Variants in NEB observed in about 807,000 individuals in gnomAD.
NEB encodes nemaline myopathy type 2.
NEB carries 512 observed loss-of-function variants against 952.2 expected under a neutral mutation model. The ratio of observed to expected loss-of-function variants is 0.54; its 90% CI spans 0.50 to 0.58. NEB has a LOEUF of 0.58. Among genes scored for constraint, NEB ranks in the 20% least tolerant of loss-of-function variants. The pLI, the probability that NEB is intolerant of heterozygous loss-of-function variation, is 0.00. For synonymous variants in NEB, 2,900 were observed against 3,149.8 expected (o/e 0.92, Z 2.66); for missense variants, 8,428 against 9,231.1 (o/e 0.91, Z 3.56).
intron 18 of NEB, 82 bp from the exon 19 acceptor site, chr2:151,694,711 C>A: frequency 9.9e-7 from 1 of 1,010,700 alleles, no homozygotes; most frequent in Non-Finnish European, 1.5e-6. Context: ...TAACTAAATA[C>A]CTTATCTTAA....
chr2:151,690,743 G>A lies in NEB; in HGVS notation c.2294C>T (p.Thr765Met), dbSNP rs762693524. The A allele has an allele frequency of 8.2e-6, 13 of 1,592,596 alleles. No individual in the cohort carries two copies. In the Middle Eastern group the frequency reaches 6.6e-4, roughly 81 times the overall value. ...SPVLLQAQLN[T>M]KQLSDLNYKA... is the part of the protein sequence containing the mutation. ...AGCACTTACATCACTAAGCTGTTTC[G>A]TGTTGAGCTGGGCTTGCAACAGTAC... Residue 765 changes from threonine to methionine, a missense_variant, in exon 24 of 182, where the codon ACG becomes ATG. Thr to Met is a moderately conservative substitution (Grantham distance 81). Transcript: ENST00000397345.
At chr2:151,705,684 A>G (rs891994711) in intron 13 of NEB, among the ~76,000 whole-genome samples, 9 of 152,370 alleles carry the variant, frequency 5.9e-5, no homozygotes, top group Non-Finnish European at 8.8e-5. Context: ...GGGCCCATCA[A>G]CCAACGAGAG....
At chr2:151,503,571 A>AG (rs1386461142) in intron 165 of NEB, 130 bp from the exon 166 acceptor site, 4 of 588,284 alleles carry the variant, frequency 6.8e-6, no homozygotes, top group Non-Finnish European at 1.2e-5. Flanking sequence ...TTCAAGGAAC[A>AG]GGGGGGAAAA....
Position 151,656,333 on chromosome 2 carries a change from G to A in NEB, c.6315C>T (p.Asn2105=), listed in dbSNP as rs752114805. 16 of 1,613,514 alleles carry A rather than the reference G, an allele frequency of 9.9e-6. No individual in the cohort carries two copies. The highest frequency in any genetic ancestry group is 3.3e-5 in the Admixed American group (2 of 59,954). The change falls in exon 49 of 182, where the codon AAC becomes AAT. Residue 2105 remains asparagine (N), a synonymous_variant. Transcript: ENST00000397345. ...GGTAGCTGGTCTTTGTGTTCTCATA[G>A]TTTTTCTTGTACTCCCGATCAGATT... ...KMQSDREYKK[N]YENTKTSYHT...
intron 3 of NEB, among the ~76,000 whole-genome samples, chr2:151,730,023 G>A (rs1438042453): frequency 2.6e-5 from 4 of 152,122 alleles, no homozygotes; most frequent in African/African-American, 9.7e-5. Flanking sequence ...GAGTGTGTGG[G>A]TTGGGCAGAG....
At chr2:151,494,958 GT>G in intron 173 of NEB, 1 of 152,802 alleles carries the variant, frequency 6.5e-6, no homozygotes, top group Non-Finnish European at 1.5e-5. Flanking sequence ...CACAGCAGCT[GT>G]TTTTTTACTG....
In NEB at chr2:151,497,915, G is replaced by A. The variant is rs527322850; in HGVS notation, c.24208-197C>T. 40 of 1,470,584 alleles carry A rather than the reference G, an allele frequency of 2.7e-5. No individual in the cohort carries two copies. In the South Asian group the frequency reaches 5.0e-4, roughly 18 times the overall value. 91.1% of individuals were successfully genotyped at this position (1,470,584 alleles called of 1,614,324 possible). On this transcript the variant is annotated intron_variant, in intron 170 of 181. Coordinates refer to ENST00000397345, the MANE Select transcript of NEB (RefSeq NM_001164508.2). ...CTCTAGAGAAGCAGGGACTTCAGCTGCTGAGGAAGGGCTGTCAGAGTTATC... is the reference window on the plus strand; with the variant it reads ...CTCTAGAGAAGCAGGGACTTCAGCTACTGAGGAAGGGCTGTCAGAGTTATC...
Position 151,537,222 on chromosome 2 carries a change from T to G in NEB, c.21117A>C (p.Glu7039Asp), listed in dbSNP as rs2093342399. 1 of 1,608,590 alleles carries G rather than the reference T, an allele frequency of 6.2e-7. No homozygotes were observed. The highest frequency in any genetic ancestry group is 1.3e-5 in the African/African-American group (1 of 74,778). The change falls in exon 141 of 182, where the codon GAA becomes GAC. Residue 7039 changes from glutamate to aspartate, a missense_variant. Transcript: ENST00000397345. ...CAATGCCTTTAAGCCAAGTCAAGTC[T>G]TCTTTATATTTTACCTGGGAGAAGA... ...TDTVSDVKYK[E>D]DLTWLKGIGC...
chr2:151,637,701 G>C (rs1022594423), intron 63 of NEB, among the ~76,000 whole-genome samples: 1 of 152,182 alleles, frequency 6.6e-6, no homozygotes, highest in Non-Finnish European at 1.5e-5. Flanking sequence ...TAGACACAGG[G>C]GGAGCCCTTT....
At position 151,724,360 on chromosome 2, in the gene NEB, A is replaced by G. The variant is rs775818667; in HGVS notation, c.512T>C (p.Leu171Ser). 4 of 1,608,908 alleles carry G rather than the reference A, an allele frequency of 2.5e-6. No individual in the cohort carries two copies. The Admixed American group carries it at 6.7e-5, about 27-fold the overall frequency. Residue 171 changes from leucine (L) to serine (S), a missense_variant, in exon 8 of 182, where the codon TTA (leucine) becomes TCA (serine). Physicochemically the swap from Leu to Ser is moderately radical, Grantham distance 145. This residue lies in a region of NEB where 2,851 missense variants were observed against 2,791.5 expected (regional missense o/e 1.02). Transcript: ENST00000397345. ...GGTGTCTTCCCAGTTCTGCTTGTAT[A>G]AAACCTAGACAGAAGGAGCAGAGGA... is the stretch of plus-strand genomic sequence containing the variant. ...KKVSQQVSKV[L>S]YKQNWEDTKD...
At chr2:151,492,818 C>A (rs1225060578) in intron 176 of NEB, 2 of 201,536 alleles carry the variant, frequency 9.9e-6, no homozygotes, top group Non-Finnish European at 2.0e-5. Context: ...GGCTCTAAAT[C>A]TGACATTGTA....
At chr2:151,642,014 C>A in intron 60 of NEB, among the ~76,000 whole-genome samples, 1 of 152,104 alleles carries the variant, frequency 6.6e-6, no homozygotes, top group East Asian at 1.9e-4. Flanking sequence ...CACCCTGTGT[C>A]CATGTGTTCT....
At chr2:151,678,899 C>T (rs1014288820) in intron 32 of NEB, among the ~76,000 whole-genome samples, 1 of 152,072 alleles carries the variant, frequency 6.6e-6, no homozygotes, top group African/African-American at 2.4e-5. Context: ...ATTTGTTATT[C>T]AATCATCACA....
chr2:151,668,998 G>T (rs760385513), intron 39 of NEB, 29 bp downstream of exon 39: 1 of 1,468,716 alleles, frequency 6.8e-7, no homozygotes. Flanking sequence ...GCCCGCATAC[G>T]CAATATTAGC....
intron 173 of NEB, 66 bp from the exon 174 acceptor site, chr2:151,494,319 A>G: frequency 9.3e-7 from 1 of 1,076,364 alleles, no homozygotes; most frequent in Non-Finnish European, 1.4e-6. Context: ...AAAAAAGGAA[A>G]TGGTACAGAT....
Position 151,497,724 on chromosome 2 carries a change from C to T in NEB, c.24208-6G>A, listed in dbSNP as rs780278162. The T allele has an allele frequency of 7.7e-6, 12 of 1,568,014 alleles. 1 individual carries two copies. Among genetic ancestry groups the T allele is most frequent in the South Asian group, 7.1e-5 (6 of 84,948 alleles). On this transcript the variant is annotated splice_polypyrimidine_tract_variant and splice_region_variant and intron_variant, in intron 170 of 181. Coordinates refer to ENST00000397345, the MANE Select transcript of NEB (RefSeq NM_001164508.2). The stretch of plus-strand genomic sequence containing the variant: ...ATGTTTTCTTTGTATAACACCTGTG[C>T]GATAAGAAAGCATCCAGAAAAACAA...
chr2:151,573,331 G>C (rs190364700), intron 107 of NEB, among the ~76,000 whole-genome samples: 1 of 152,072 alleles, frequency 6.6e-6, no homozygotes, highest in Admixed American at 6.5e-5. Context: ...TAAGGTTCTG[G>C]TGTTTTCAGC....
rs766168868 is a variant in NEB at position 151,666,381 on chromosome 2, G to A, written c.4740C>T (p.Tyr1580=). 1.4e-5 allele frequency: 22 copies of A among 1,613,508 alleles called. No homozygotes were observed. The highest frequency in any genetic ancestry group is 4.0e-5 in the African/African-American group (3 of 74,998). The change falls in exon 41 of 182, where the codon TAC becomes TAT. Residue 1580 remains tyrosine, a synonymous_variant. Coordinates refer to ENST00000397345, the MANE Select transcript of NEB (RefSeq NM_001164508.2). Reference sequence around the variant, plus strand: ...CAACTTGCTTGCCTTTGGCTTTCTCGTAGGCCTCCTTATATTTGCACTATT... The same window carrying A: ...CAACTTGCTTGCCTTTGGCTTTCTCATAGGCCTCCTTATATTTGCACTATT... The part of the protein sequence containing the change: ...IASDCKYKEA[Y]EKAKGKQVGF...
At position 151,576,175 on chromosome 2, in the gene NEB, T is replaced by C. The variant is rs750063002; in HGVS notation, c.16884A>G (p.Lys5628=). 6.3e-7 allele frequency: 1 copy of C among 1,599,788 alleles called. No homozygotes were observed. The highest frequency in any genetic ancestry group is 1.1e-5 in the South Asian group (1 of 88,132). ...IVDTPEVVLA[K]SNAENISIPK... is the part of the protein sequence containing the mutation. ...CAATACTAATATTTTCAGCATTTGA[T>C]TTAGCAAGGACCACTTCAGGTGTGT... Residue 5628 remains lysine (K), a synonymous_variant, in exon 106 of 182, where the codon AAA becomes AAG. Coordinates refer to ENST00000397345, the MANE Select transcript of NEB (RefSeq NM_001164508.2).
Sources: allele counts gnomAD v4.1 joint callset (sites outside exome capture counted in the v4.1 genomes callset), GRCh38; gene constraint gnomAD v4.1.1; regional missense constraint gnomAD v4.1.1; transcripts MANE v1.5; gene names NCBI Gene and HGNC (gene_info 2026-07-23, HGNC 2026-07-21).